GABRB2: variants seen among roughly 807,000 people sequenced by gnomAD.
GABRB2 encodes gamma-aminobutyric acid type A receptor subunit beta2.
GABRB2 carries 16 observed loss-of-function variants against 54.7 expected under a neutral mutation model. That is an observed-to-expected ratio of 0.29 (90% confidence interval 0.20 to 0.44). GABRB2 has a LOEUF of 0.44. GABRB2 is among the 20% of genes least tolerant of loss of function. The probability of loss-of-function intolerance (pLI) is 1.00; values close to 1 mark genes in which losing one functional copy is unlikely to be tolerated. For missense variants in GABRB2, 355 were observed against 644.0 expected (o/e 0.55, Z 4.86); for synonymous variants, 244 against 233.8 (o/e 1.04, Z -0.40).
chr5:161,315,482 TA>T (rs1265876755), intron 9 of GABRB2, among the ~76,000 whole-genome samples: 1 of 152,186 alleles, frequency 6.6e-6, no homozygotes, highest in Non-Finnish European at 1.5e-5. Flanking sequence ...GGATTATATC[TA>T]CCTTCTGTAT....
At chr5:161,540,528 A>C (rs562894589) in intron 3 of GABRB2, among the ~76,000 whole-genome samples, 1 of 152,176 alleles carries the variant, frequency 6.6e-6, no homozygotes, top group Non-Finnish European at 1.5e-5. Context: ...CCTCTCATGA[A>C]TCATGAATGT....
intron 5 of GABRB2, among the ~76,000 whole-genome samples, chr5:161,363,308 C>T (rs1354253849): frequency 6.6e-6 from 1 of 152,068 alleles, no homozygotes; most frequent in Non-Finnish European, 1.5e-5. Flanking sequence ...TGTTCTCACT[C>T]ATAAATGGGA....
At chr5:161,461,898 T>C (rs540143834) in intron 3 of GABRB2, among the ~76,000 whole-genome samples, 2 of 152,216 alleles carry the variant, frequency 1.3e-5, no homozygotes, top group African/African-American at 4.8e-5. Flanking sequence ...GACACATACT[T>C]AAATTTCAGT....
intron 8 of GABRB2, among the ~76,000 whole-genome samples, chr5:161,328,511 G>A (rs988088631): frequency 6.6e-6 from 1 of 152,018 alleles, no homozygotes; most frequent in Non-Finnish European, 1.5e-5. Context: ...TAAATTTTTT[G>A]TCTACTGTCA....
At chr5:161,452,047 T>C (rs1222547987) in intron 4 of GABRB2, among the ~76,000 whole-genome samples, 1 of 152,178 alleles carries the variant, frequency 6.6e-6, no homozygotes, top group South Asian at 2.1e-4. Context: ...ATAAATAATA[T>C]ACAGCCAACT....
chr5:161,538,156 T>C (rs754735870), intron 3 of GABRB2, among the ~76,000 whole-genome samples: 1 of 152,106 alleles, frequency 6.6e-6, no homozygotes, highest in Non-Finnish European at 1.5e-5. Flanking sequence ...CCCACATAAA[T>C]AGTACAGTGT....
chr5:161,385,486 T>G lies in GABRB2; in HGVS notation c.541+25489A>C, dbSNP rs569034487. Reference sequence around the variant, plus strand: ...ATAGTATCCTTAGTACTTCAAGATTTTTTTCTTTGTGGGTGGAGACAAAAG... The same window carrying G: ...ATAGTATCCTTAGTACTTCAAGATTGTTTTCTTTGTGGGTGGAGACAAAAG... On this transcript the variant is annotated intron_variant, in intron 5 of 9. Transcript: ENST00000393959. Among the ~76,000 whole-genome samples, 3 of 152,290 alleles carry G rather than the reference T, an allele frequency of 2.0e-5. No homozygotes were observed. In the East Asian group the frequency reaches 5.8e-4, roughly 29 times the overall value.
At chr5:161,448,528 C>T (rs1291822990) in intron 4 of GABRB2, among the ~76,000 whole-genome samples, 1 of 152,140 alleles carries the variant, frequency 6.6e-6, no homozygotes, top group Non-Finnish European at 1.5e-5. Flanking sequence ...TCCCTGCAGA[C>T]CACTTTGCAT....
chr5:161,346,189 G>A (rs527370695), intron 5 of GABRB2, among the ~76,000 whole-genome samples: 12 of 152,150 alleles, frequency 7.9e-5, no homozygotes, highest in East Asian at 7.8e-4. Flanking sequence ...CTTTTAATTC[G>A]TAATTTCATT....
At chr5:161,388,706 TTG>T (rs1755723055) in intron 5 of GABRB2, among the ~76,000 whole-genome samples, 1 of 151,996 alleles carries the variant, frequency 6.6e-6, no homozygotes, top group Non-Finnish European at 1.5e-5. Context: ...CTTTAGGGCT[TTG>T]TGTCTTTTTT....
At chr5:161,379,757 T>C (rs1755412033) in intron 5 of GABRB2, among the ~76,000 whole-genome samples, 1 of 152,052 alleles carries the variant, frequency 6.6e-6, no homozygotes, top group Non-Finnish European at 1.5e-5. Flanking sequence ...CTTCATTCCT[T>C]GGTTGAAATG....
At chr5:161,434,582 A>G (rs13183258) in intron 4 of GABRB2, among the ~76,000 whole-genome samples, 19,864 of 152,010 alleles carry the variant, frequency 0.13, 1,787 homozygotes, top group Non-Finnish European at 0.2. Context: ...TCTACCTGGA[A>G]TCCCCTTCCC....
chr5:161,528,753 G>A (rs1353066591), intron 3 of GABRB2, among the ~76,000 whole-genome samples: 2 of 151,736 alleles, frequency 1.3e-5, no homozygotes, highest in Non-Finnish European at 3.0e-5. Context: ...AAATGATTTT[G>A]TTATTAATTT....
intron 9 of GABRB2, among the ~76,000 whole-genome samples, chr5:161,299,539 C>G (rs189198569): frequency 2.0e-5 from 3 of 152,040 alleles, no homozygotes; most frequent in Admixed American, 2.0e-4. Context: ...TCTAATGGTG[C>G]CTTGTGTCTA....
intron 3 of GABRB2, among the ~76,000 whole-genome samples, chr5:161,524,597 A>G (rs187485919): frequency 1.3e-5 from 2 of 151,608 alleles, no homozygotes. Flanking sequence ...GAACTGATTT[A>G]GCCAATCAGA....
chr5:161,313,168 T>C (rs1247163398), intron 9 of GABRB2, among the ~76,000 whole-genome samples: 1 of 152,202 alleles, frequency 6.6e-6, no homozygotes, highest in African/African-American at 2.4e-5. Flanking sequence ...GAGCCCGCGA[T>C]ACTGGAGGCC....
Position 161,409,669 on chromosome 5 carries a change from T to C in GABRB2, c.541+1306A>G, listed in dbSNP as rs114517315. Among the ~76,000 whole-genome samples, 700 of 152,288 alleles carry C rather than the reference T, an allele frequency of 4.6e-3. 4 individuals are homozygous for C. Among genetic ancestry groups the C allele is most frequent in the African/African-American group, 0.016 (676 of 41,572 alleles). On this transcript the variant is annotated intron_variant, in intron 5 of 9. Coordinates refer to ENST00000393959, the MANE Select transcript of GABRB2 (RefSeq NM_001371727.1). Reference sequence around the variant, plus strand: ...ACCACAGAAATTCATGAGTGGTACATAGCAACGTGCTTATTTCAGCATATT... The same window carrying C: ...ACCACAGAAATTCATGAGTGGTACACAGCAACGTGCTTATTTCAGCATATT...
At chr5:161,520,569 C>T (rs1184073468) in intron 3 of GABRB2, among the ~76,000 whole-genome samples, 1 of 152,034 alleles carries the variant, frequency 6.6e-6, no homozygotes, top group African/African-American at 2.4e-5. Flanking sequence ...TTCATCTTCA[C>T]CCAACTTCAA....
At chr5:161,456,215 A>G (rs1334089012) in intron 4 of GABRB2, among the ~76,000 whole-genome samples, 5 of 152,184 alleles carry the variant, frequency 3.3e-5, no homozygotes, top group African/African-American at 7.2e-5. Flanking sequence ...TTGCCCTTCA[A>G]TATGTCTTAC....
Sources: gnomAD v4.1 joint callset for allele counts (sites outside exome capture counted in the v4.1 genomes callset) on GRCh38, gnomAD v4.1.1 for gene constraint, MANE v1.5 for transcripts, NCBI Gene and HGNC (gene_info 2026-07-23, HGNC 2026-07-21) for gene names.